ANO7: variants seen among roughly 807,000 people sequenced by gnomAD.
ANO7 encodes the protein anoctamin-7.
Under a neutral mutation model 115.8 loss-of-function variants are expected in ANO7, and 114 were observed. The observed-to-expected ratio is 0.98, with a 90% CI of 0.85 to 1.15. ANO7 has a LOEUF of 1.15. ANO7 is among the 50% of genes most tolerant of loss of function. ANO7 has a pLI of 0.00. For missense variants in ANO7, 1,302 were observed against 1,201.2 expected, an observed-to-expected ratio of 1.08 and a Z score of -1.24; for synonymous variants, 550 against 498.2, an observed-to-expected ratio of 1.10 and a Z score of -1.38.
At chr2:241,223,815 C>T (rs755163752) in intron 23 of ANO7, 34 bp downstream of exon 23, 18 of 1,614,160 alleles carry the variant, frequency 1.1e-5, no homozygotes, top group Non-Finnish European at 1.4e-5. Context: ...GCCCTCCCCC[C>T]AGCCCTCTCC....
chr2:241,232,762 C>T, the ANO7 span, among the ~76,000 whole-genome samples: 18 of 151,998 alleles, frequency 1.2e-4, no homozygotes, highest in Admixed American at 2.6e-4. Context: ...TACAGTGAGC[C>T]GAGATCGCGC....
rs565276497 is a variant in ANO7 at position 241,201,164 on chromosome 2, T to C, written c.555-134T>C. Reference sequence around the variant, plus strand: ...AGGGCTGTGTCCGCAGGCCTGTGCTTCTGCGTGCGCGCCAGCACCCGGGCC... The same window carrying C: ...AGGGCTGTGTCCGCAGGCCTGTGCTCCTGCGTGCGCGCCAGCACCCGGGCC... On this transcript the variant is annotated intron_variant, in intron 6 of 24. Coordinates refer to ENST00000674324, the MANE Select transcript of ANO7 (RefSeq NM_001370694.2). 38 of 1,015,590 alleles carry C rather than the reference T, an allele frequency of 3.7e-5. No individual in the cohort carries two copies. In the African/African-American group the frequency reaches 5.8e-4, roughly 15 times the overall value. 62.9% of individuals were successfully genotyped at this position (1,015,590 alleles called of 1,614,324 possible). A position where few individuals can be genotyped will look rare whatever the true frequency, so the allele number is the denominator to read the frequency against.
At chr2:241,191,390 TG>T in intron 3 of ANO7, 139 bp downstream of exon 3, 1 of 1,030,364 alleles carries the variant, frequency 9.7e-7, no homozygotes, top group Non-Finnish European at 1.4e-6. Context: ...GATGGGGCAC[TG>T]GGGTGAGGGC....
downstream of ANO7, among the ~76,000 whole-genome samples, chr2:241,226,997 G>C (rs945813854): frequency 2.6e-5 from 4 of 152,318 alleles, no homozygotes; most frequent in African/African-American, 9.6e-5. Flanking sequence ...AGTCCTAAAA[G>C]GGAGTGGCAG....
At chr2:241,236,268 C>T in the ANO7 span, 1 of 317,804 alleles carries the variant, frequency 3.1e-6, no homozygotes, top group Non-Finnish European at 5.9e-6. Flanking sequence ...GCCTGATAAC[C>T]CCACTCACGC....
At chr2:241,194,598 G>A (rs1454084691) in intron 3 of ANO7, among the ~76,000 whole-genome samples, 1 of 152,314 alleles carries the variant, frequency 6.6e-6, no homozygotes, top group African/African-American at 2.4e-5. Context: ...GATGACAGGC[G>A]TGAGCCACCA....
chr2:241,206,568 G>A (rs1295053036), intron 10 of ANO7, among the ~76,000 whole-genome samples: 1 of 38,656 alleles, frequency 2.6e-5, no homozygotes, highest in Non-Finnish European at 4.6e-5. Flanking sequence ...GCTGACAGGT[G>A]GACAGGAGTG....
intron 21 of ANO7, among the ~76,000 whole-genome samples, chr2:241,222,164 G>A (rs557575130): frequency 6.6e-6 from 1 of 152,104 alleles, no homozygotes; most frequent in African/African-American, 2.4e-5. Flanking sequence ...AACCCAGGAG[G>A]CGGAGGTTGC....
chr2:241,200,080 T>C lies in ANO7; in HGVS notation c.418-9T>C, dbSNP rs2068432884. On this transcript the variant is annotated splice_polypyrimidine_tract_variant and intron_variant, in intron 5 of 24. Transcript: ENST00000674324. ...GGGAGTGGGAGGAGCCACTGACGTT[T>C]CCTTCCAGGAGTTACCCAACCAGGC... The C allele has an allele frequency of 6.2e-7, 1 of 1,610,784 alleles. No individual in the cohort carries two copies. Among genetic ancestry groups the C allele is most frequent in the African/African-American group, 1.3e-5 (1 of 74,924 alleles).
rs2069107538 is a variant in ANO7, at chr2:241,224,379, T to G, written c.*226T>G. On this transcript the variant is annotated 3_prime_UTR_variant, in exon 25 of 25. Transcript: ENST00000674324. ...GGACCGTCAGCTCACAAGGCCCTCT[T>G]TGTTTCCTGCTCCCAGACATAAGCC... is the stretch of plus-strand genomic sequence containing the variant. The G allele has an allele frequency of 3.5e-6, 2 of 572,056 alleles. No homozygotes were observed. Among genetic ancestry groups the G allele is most frequent in the African/African-American group, 1.9e-5 (1 of 53,086 alleles). 35.4% of individuals were successfully genotyped at this position (572,056 alleles called of 1,614,324 possible). A position where few individuals can be genotyped will look rare whatever the true frequency, so the allele number is the denominator to read the frequency against.
At chr2:241,218,898 CT>C (rs1325649139) in intron 21 of ANO7, among the ~76,000 whole-genome samples, 7 of 152,224 alleles carry the variant, frequency 4.6e-5, no homozygotes, top group Admixed American at 3.9e-4. Flanking sequence ...CATACAGCGT[CT>C]GGAATTCACA....
Position 241,195,934 on chromosome 2 carries a change from G to A in ANO7, c.309+89G>A, listed in dbSNP as rs750805724. On this transcript the variant is annotated intron_variant, in intron 4 of 24. Coordinates refer to ENST00000674324, the MANE Select transcript of ANO7 (RefSeq NM_001370694.2). The stretch of plus-strand genomic sequence containing the variant: ...GCCGCATGAGGCCTGAGGGCATGGT[G>A]TCCAGAGTCCCAGAGCAGATCAGGC... 14 of 1,611,200 alleles carry A rather than the reference G, an allele frequency of 8.7e-6. No homozygotes were observed. In the African/African-American group the frequency reaches 1.7e-4, roughly 20 times the overall value.
the ANO7 span, chr2:241,234,092 T>G: frequency 1.9e-6 from 2 of 1,034,442 alleles, no homozygotes; most frequent in Admixed American, 2.2e-5. Context: ...TCCGGAATGG[T>G]CCGCCATCTC....
chr2:241,207,721 G>T (rs1416342179), intron 11 of ANO7, 51 bp downstream of exon 11: 2 of 1,550,260 alleles, frequency 1.3e-6, no homozygotes, highest in South Asian at 2.2e-5. Flanking sequence ...GGGATGAGGA[G>T]GGCAGCTCCC....
intron 22 of ANO7, 111 bp downstream of exon 22, chr2:241,223,387 C>T: frequency 8.0e-7 from 1 of 1,256,256 alleles, no homozygotes; most frequent in Non-Finnish European, 1.2e-6. Context: ...CCTGCTGTGT[C>T]ATCTTGGTCA....
chr2:241,190,355 C>T (rs1228701541), intron 2 of ANO7, among the ~76,000 whole-genome samples, 184 bp downstream of exon 2: 1 of 152,178 alleles, frequency 6.6e-6, no homozygotes. Flanking sequence ...TCACCGCTCT[C>T]CTGGCCTGGC....
rs775126526 is a variant in ANO7 at position 241,223,283 on chromosome 2, G to A, written c.2412+7G>A. The A allele has an allele frequency of 1.2e-5, 20 of 1,613,996 alleles. No individual in the cohort carries two copies. The highest frequency in any genetic ancestry group is 1.6e-4 in the Middle Eastern group (1 of 6,084). ...CTTCGTCATTGTGTTTGAGGTAGCC[G>A]AGGCACCTGCTGGTTCTCCCATCCA... On this transcript the variant is annotated splice_region_variant and intron_variant, in intron 22 of 24. Coordinates refer to ENST00000674324, the MANE Select transcript of ANO7 (RefSeq NM_001370694.2).
At chr2:241,202,140 C>G (rs2068486331) in intron 7 of ANO7, 54 bp from the exon 8 acceptor site, 1 of 1,505,910 alleles carries the variant, frequency 6.6e-7, no homozygotes, top group Non-Finnish European at 9.2e-7. Context: ...TAGGACTTCC[C>G]TGTTCTGCTA....
intron 21 of ANO7, 109 bp downstream of exon 21, chr2:241,218,490 G>A (rs1229223335): frequency 6.1e-6 from 6 of 976,886 alleles, no homozygotes; most frequent in South Asian, 4.3e-5. Context: ...GGCGGGCGCC[G>A]CCGGGCAAGG....
Sources: allele counts gnomAD v4.1 joint callset (sites outside exome capture counted in the v4.1 genomes callset), GRCh38; gene constraint gnomAD v4.1.1; transcripts MANE v1.5; gene names NCBI Gene and HGNC (gene_info 2026-07-23, HGNC 2026-07-21).